RSRC1: variants seen among roughly 807,000 people sequenced by gnomAD.
RSRC1 encodes serine/Arginine-related protein 53.
RSRC1 carries 39 observed loss-of-function variants against 49.1 expected under a neutral mutation model. The ratio of observed to expected loss-of-function variants is 0.79; its 90% CI spans 0.61 to 1.04. The LOEUF (loss-of-function observed/expected upper bound fraction) is 1.04. Ranked by LOEUF, RSRC1 falls within the 50% of genes least tolerant of loss-of-function variation. The pLI is 0.00. For missense variants in RSRC1, 388 were observed against 402.4 expected, an observed-to-expected ratio of 0.96 and a Z score of 0.31; for synonymous variants, 143 against 130.8, an observed-to-expected ratio of 1.09 and a Z score of -0.63.
intron 6 of RSRC1, among the ~76,000 whole-genome samples, chr3:158,370,701 G>C (rs2108266047): frequency 6.6e-6 from 1 of 151,930 alleles, no homozygotes. Context: ...TATGAGTAAA[G>C]CTTATATGGA....
At chr3:158,524,005 G>A (rs993173066) in intron 7 of RSRC1, among the ~76,000 whole-genome samples, 1 of 151,992 alleles carries the variant, frequency 6.6e-6, no homozygotes, top group Non-Finnish European at 1.5e-5. Flanking sequence ...CCTCCTGGTT[G>A]CCATTGCTTT....
At position 158,115,295 on chromosome 3, in the gene RSRC1, T is replaced by C. The variant is rs532828453; in HGVS notation, c.-3+5072T>C. Among the ~76,000 whole-genome samples, 14 of 152,296 alleles carry C rather than the reference T, an allele frequency of 9.2e-5. No individual in the cohort carries two copies. In the East Asian group the frequency reaches 2.3e-3, roughly 25 times the overall value. ...AAAAATTTATACTCGCCTTCTCCTG[T>C]TCTCTCTTTTTGGTCACCCCCAAGA... On this transcript the variant is annotated intron_variant, in intron 1 of 9. Coordinates refer to ENST00000611884, the MANE Select transcript of RSRC1 (RefSeq NM_001271838.2).
chr3:158,180,102 A>G (rs1719491233), intron 3 of RSRC1, among the ~76,000 whole-genome samples: 1 of 151,504 alleles, frequency 6.6e-6, no homozygotes, highest in African/African-American at 2.4e-5. Context: ...GTTGTTTTTT[A>G]CTATTGAGTT....
intron 4 of RSRC1, among the ~76,000 whole-genome samples, chr3:158,282,535 C>T (rs1408777080): frequency 1.3e-5 from 2 of 152,182 alleles, no homozygotes; most frequent in African/African-American, 4.8e-5. Context: ...GTAATATTTG[C>T]TAAATGCAGT....
In RSRC1 at chr3:158,493,093, G is replaced by C. The variant is rs545768040; in HGVS notation, c.652+32090G>C. Among the ~76,000 whole-genome samples, 14 of 152,220 alleles carry C rather than the reference G, an allele frequency of 9.2e-5. No individual in the cohort carries two copies. In the East Asian group the frequency reaches 2.7e-3, roughly 29 times the overall value. ...AATTAACTCTACTGGAGGGGGAGTG[G>C]GAATCTTAAGTAGGGTCACAGAATT... On this transcript the variant is annotated intron_variant, in intron 7 of 9. Coordinates refer to ENST00000611884, the MANE Select transcript of RSRC1 (RefSeq NM_001271838.2).
At chr3:158,186,195 TTA>T (rs1182990467) in intron 3 of RSRC1, among the ~76,000 whole-genome samples, 1 of 152,002 alleles carries the variant, frequency 6.6e-6, no homozygotes, top group Non-Finnish European at 1.5e-5. Flanking sequence ...TATAAAAATG[TTA>T]TGCAGTTGTA....
At chr3:158,461,103 G>A in intron 7 of RSRC1, 100 bp downstream of exon 7, 2 of 741,518 alleles carry the variant, frequency 2.7e-6, no homozygotes, top group Admixed American at 3.1e-5. Context: ...GTTACTTCAT[G>A]CTGTTTCATG....
At chr3:158,429,195 TA>T (rs972866912) in intron 6 of RSRC1, among the ~76,000 whole-genome samples, 2 of 151,494 alleles carry the variant, frequency 1.3e-5, no homozygotes, top group Non-Finnish European at 3.0e-5. Flanking sequence ...CACTTTTGTT[TA>T]AAAAAATGTT....
intron 6 of RSRC1, among the ~76,000 whole-genome samples, chr3:158,443,530 G>C (rs1736500753): frequency 6.6e-6 from 1 of 152,168 alleles, no homozygotes. Context: ...AGAAAGTTAG[G>C]ACTTTGCTCT....
chr3:158,408,844 C>T (rs1734282074), intron 6 of RSRC1, among the ~76,000 whole-genome samples: 1 of 151,828 alleles, frequency 6.6e-6, no homozygotes, highest in Non-Finnish European at 1.5e-5. Context: ...CCAGCCTGGC[C>T]AACATGGTGA....
At chr3:158,479,745 T>C (rs1738532817) in intron 7 of RSRC1, among the ~76,000 whole-genome samples, 1 of 152,028 alleles carries the variant, frequency 6.6e-6, no homozygotes. Context: ...TAGCACAGAT[T>C]TGTTTGAGCA....
At chr3:158,220,655 C>T (rs372798504) in intron 4 of RSRC1, among the ~76,000 whole-genome samples, 8 of 151,538 alleles carry the variant, frequency 5.3e-5, no homozygotes, top group South Asian at 2.1e-4. Flanking sequence ...TTTCTTCCTT[C>T]CTTTCTTTCT....
intron 3 of RSRC1, among the ~76,000 whole-genome samples, chr3:158,169,064 C>T (rs111730699): frequency 8.7e-4 from 133 of 152,160 alleles, no homozygotes; most frequent in Non-Finnish European, 1.6e-3. Flanking sequence ...GAAACCAGCC[C>T]TTTGGAAAGA....
At chr3:158,268,520 T>C (rs1725332993) in intron 4 of RSRC1, among the ~76,000 whole-genome samples, 1 of 152,188 alleles carries the variant, frequency 6.6e-6, no homozygotes, top group African/African-American at 2.4e-5. Flanking sequence ...TCTTCTACTA[T>C]TGTGTTTCTG....
intron 1 of RSRC1, among the ~76,000 whole-genome samples, chr3:158,117,281 C>T (rs983455630): frequency 1.3e-5 from 2 of 152,112 alleles, no homozygotes; most frequent in Non-Finnish European, 2.9e-5. Context: ...GTCCCAGGGA[C>T]TTAGGGCAAT....
At chr3:158,207,670 G>GAGAGAC (rs1721424277) in intron 4 of RSRC1, among the ~76,000 whole-genome samples, 1 of 67,160 alleles carries the variant, frequency 1.5e-5, no homozygotes, top group Non-Finnish European at 2.9e-5. Context: ...GATAGACAGA[G>GAGAGAC]AGACAGACAG....
intron 1 of RSRC1, among the ~76,000 whole-genome samples, chr3:158,117,413 C>T (rs936195915): frequency 9.2e-5 from 14 of 152,170 alleles, no homozygotes; most frequent in African/African-American, 3.1e-4. Flanking sequence ...CCTGCTGCCT[C>T]AGCCCCCTCA....
At chr3:158,341,686 G>A (rs1730251025) in intron 5 of RSRC1, among the ~76,000 whole-genome samples, 1 of 152,162 alleles carries the variant, frequency 6.6e-6, no homozygotes, top group South Asian at 2.1e-4. Context: ...CCCTAGTGGG[G>A]TGCTGCCTAG....
chr3:158,381,492 A>T (rs1422924777), intron 6 of RSRC1, among the ~76,000 whole-genome samples: 1 of 152,182 alleles, frequency 6.6e-6, no homozygotes, highest in Non-Finnish European at 1.5e-5. Flanking sequence ...CATTGTGTGA[A>T]CATCATAGAG....
Sources: gnomAD v4.1 joint callset for allele counts (sites outside exome capture counted in the v4.1 genomes callset) on GRCh38, gnomAD v4.1.1 for gene constraint, MANE v1.5 for transcripts, NCBI Gene and HGNC (gene_info 2026-07-23, HGNC 2026-07-21) for gene names.